Variants in PTP4A2 observed in about 807,000 individuals in gnomAD.
PTP4A2 encodes the protein protein tyrosine phosphatase 4A2.
A neutral mutation model predicts 22.9 loss-of-function variants in PTP4A2; 2 were observed. That is an observed-to-expected ratio of 0.09 (90% CI 0.04 to 0.27). The LOEUF (loss-of-function observed/expected upper bound fraction) is 0.27, where lower values mean the gene tolerates loss of function less well. Among genes scored for constraint, PTP4A2 ranks in the 10% least tolerant of loss-of-function variants. The pLI is 1.00. For synonymous variants in PTP4A2, 68 were observed against 69.1 expected (o/e 0.98, Z 0.08); for missense variants, 103 against 205.1 (o/e 0.50, Z 3.04).
At chr1:31,925,872 A>G (rs536751397) in intron 1 of PTP4A2, among the ~76,000 whole-genome samples, 5 of 151,084 alleles carry the variant, frequency 3.3e-5, no homozygotes, top group Non-Finnish European at 5.9e-5. Flanking sequence ...ATTGGCGGGC[A>G]CAGTGGCTCA....
intron 1 of PTP4A2, among the ~76,000 whole-genome samples, chr1:31,932,139 A>G (rs978580011): frequency 1.3e-5 from 2 of 152,244 alleles, no homozygotes; most frequent in African/African-American, 4.8e-5. Flanking sequence ...GTTAACAGCC[A>G]ACATATCTGG....
intron 1 of PTP4A2, among the ~76,000 whole-genome samples, chr1:31,929,658 C>T (rs561909883): frequency 6.6e-6 from 1 of 152,300 alleles, no homozygotes; most frequent in Admixed American, 6.5e-5. Context: ...CTTCTTTAAT[C>T]TCAAAAGGCT....
At chr1:31,934,873 G>A (rs927384112) in intron 1 of PTP4A2, among the ~76,000 whole-genome samples, 1 of 152,202 alleles carries the variant, frequency 6.6e-6, no homozygotes, top group Non-Finnish European at 1.5e-5. Flanking sequence ...CACAGAGGGA[G>A]TGGCCTGACT....
chr1:31,922,606 C>G (rs912359705), intron 1 of PTP4A2, among the ~76,000 whole-genome samples: 37 of 132,128 alleles, frequency 2.8e-4, no homozygotes, highest in Admixed American at 4.9e-4. Context: ...TTCTTTCTTT[C>G]TTTCTTTCTT....
intron 3 of PTP4A2, among the ~76,000 whole-genome samples, chr1:31,912,701 T>G (rs898454565): frequency 2.0e-5 from 3 of 152,110 alleles, no homozygotes; most frequent in Non-Finnish European, 4.4e-5. Flanking sequence ...GCTTCAAAGA[T>G]AGAAATGCAA....
chr1:31,907,041 G>A lies in PTP4A2; in HGVS notation c.*1811C>T, dbSNP rs114133921. ...TTTTGTTTTCTGGGATGGGAGAGGA[G>A]AGAATCTACAGATTTGCGTTTAGTT... On this transcript the variant is annotated 3_prime_UTR_variant, in exon 6 of 6. Transcript: ENST00000647444. The A allele has an allele frequency of 5.3e-5, 8 of 152,320 alleles. No homozygotes were observed. Among genetic ancestry groups the A allele is most frequent in the African/African-American group, 1.9e-4 (8 of 41,564 alleles). 9.4% of individuals were successfully genotyped at this position (152,320 alleles called of 1,614,324 possible).
rs959113845 is a variant in PTP4A2, at chr1:31,938,061, T to TCGG, written c.-671_-669dup. ...GGAGGCGCCTCTCTCCTCAGTCACC[T>TCGG]CGGCGGCGGCGGCGGCGGCGGTAGC... On this transcript the variant is annotated 5_prime_UTR_variant, in exon 1 of 6. Coordinates refer to ENST00000647444, the MANE Select transcript of PTP4A2 (RefSeq NM_080391.4). This position sits in a 1 kb window ranked among gnomAD's most constrained non-coding sequence, Gnocchi z 4.4. 42 of 148,048 alleles carry TCGG rather than the reference T, an allele frequency of 2.8e-4. No homozygotes were observed. The highest frequency in any genetic ancestry group is 5.7e-4 in the African/African-American group (22 of 38,400). 9.2% of individuals were successfully genotyped at this position (148,048 alleles called of 1,614,324 possible). A position where few individuals can be genotyped will look rare whatever the true frequency, so the allele number is the denominator to read the frequency against.
At chr1:31,931,899 A>C (rs901201031) in intron 1 of PTP4A2, among the ~76,000 whole-genome samples, 4 of 152,234 alleles carry the variant, frequency 2.6e-5, no homozygotes, top group African/African-American at 9.6e-5. Flanking sequence ...GCTTTTCACC[A>C]ATAATGGAAA....
intron 1 of PTP4A2, among the ~76,000 whole-genome samples, chr1:31,937,243 A>C (rs1652975240): frequency 6.6e-6 from 1 of 152,132 alleles, no homozygotes; most frequent in African/African-American, 2.4e-5. Context: ...ACAACAACAA[A>C]AAAACACATC....
In PTP4A2 at chr1:31,908,562, G is replaced by A; in HGVS notation, c.*290C>T. The A allele has an allele frequency of 3.9e-6, 1 of 259,340 alleles. No individual in the cohort carries two copies. The highest frequency in any genetic ancestry group is 5.2e-5 in the Admixed American group (1 of 19,070). The allele number at this position is 259,340 out of a possible 1,614,324, so 16.1% of individuals were successfully genotyped here. On this transcript the variant is annotated 3_prime_UTR_variant, in exon 6 of 6. Coordinates refer to ENST00000647444, the MANE Select transcript of PTP4A2 (RefSeq NM_080391.4). Reference sequence around the variant, plus strand: ...TTTGAAAAAGTTTAAAAAGACAGGAGATTTCAAAATAATTCAATCCTGGCA... The same window carrying A: ...TTTGAAAAAGTTTAAAAAGACAGGAAATTTCAAAATAATTCAATCCTGGCA...
At chr1:31,916,900 T>C (rs1212221576) in intron 2 of PTP4A2, among the ~76,000 whole-genome samples, 2 of 152,244 alleles carry the variant, frequency 1.3e-5, no homozygotes, top group African/African-American at 2.4e-5. Flanking sequence ...TCTTTTTGCT[T>C]ATCTGTATCT....
At chr1:31,915,103 T>C (rs1455257577) in intron 3 of PTP4A2, among the ~76,000 whole-genome samples, 1 of 152,168 alleles carries the variant, frequency 6.6e-6, no homozygotes, top group Non-Finnish European at 1.5e-5. Flanking sequence ...ATATTCAAAT[T>C]AGTAGCCTAG....
intron 1 of PTP4A2, chr1:31,931,290 C>T (rs1288303076): frequency 3.3e-5 from 5 of 152,138 alleles, no homozygotes; most frequent in African/African-American, 1.2e-4. Flanking sequence ...TAATAGAAAA[C>T]TGGTAGAAAC....
At chr1:31,935,909 C>T (rs1021221485) in intron 1 of PTP4A2, among the ~76,000 whole-genome samples, 3 of 151,992 alleles carry the variant, frequency 2.0e-5, no homozygotes, top group African/African-American at 4.8e-5. Context: ...ATCCTCTCAC[C>T]TCAGCCTCCG....
chr1:31,922,149 T>C (rs1652185964), intron 1 of PTP4A2, among the ~76,000 whole-genome samples: 1 of 152,122 alleles, frequency 6.6e-6, no homozygotes, highest in African/African-American at 2.4e-5. Flanking sequence ...GTCAAGAAAT[T>C]TTAGAACCAA....
intron 1 of PTP4A2, among the ~76,000 whole-genome samples, chr1:31,926,149 A>AAAAAATATATATATATATAT (rs59088489): frequency 7.6e-6 from 1 of 131,340 alleles, no homozygotes; most frequent in Non-Finnish European, 1.6e-5. Flanking sequence ...AAAAAAAAAA[A>AAAAAATATATATATATATAT]ATATATATAT....
chr1:31,937,594 A>C (rs1652999117), intron 1 of PTP4A2, among the ~76,000 whole-genome samples: 2 of 136,244 alleles, frequency 1.5e-5, no homozygotes, highest in African/African-American at 5.6e-5. Flanking sequence ...TCCCCCATTT[A>C]CTCACTCATT....
intron 3 of PTP4A2, among the ~76,000 whole-genome samples, chr1:31,912,153 T>C (rs1651569918): frequency 6.6e-6 from 1 of 152,116 alleles, no homozygotes; most frequent in Non-Finnish European, 1.5e-5. Context: ...TAGACAAAAC[T>C]GTAATTAAAG....
At chr1:31,928,968 G>A (rs1432812015) in intron 1 of PTP4A2, among the ~76,000 whole-genome samples, 1 of 152,164 alleles carries the variant, frequency 6.6e-6, no homozygotes, top group Non-Finnish European at 1.5e-5. Context: ...GTTATTCACT[G>A]AAGTCCTGTG....
Sources: gnomAD v4.1 joint callset for allele counts (sites outside exome capture counted in the v4.1 genomes callset) on GRCh38, gnomAD v4.1.1 for gene constraint, Gnocchi (gnomAD v3.1) non-coding constraint, MANE v1.5 for transcripts, NCBI Gene and HGNC (gene_info 2026-07-23, HGNC 2026-07-21) for gene names.